Variants in ADAMTS12 observed in about 807,000 individuals in gnomAD.
ADAMTS12 encodes A disintegrin and metalloproteinase with thrombospondin motifs 12.
A neutral mutation model predicts 167.8 loss-of-function variants in ADAMTS12; 118 were observed. That is an observed-to-expected ratio of 0.70 (90% CI 0.61 to 0.82). The LOEUF is 0.82. Among genes scored for constraint, ADAMTS12 ranks in the 40% least tolerant of loss-of-function variants. ADAMTS12 has a pLI of 0.00. For synonymous variants in ADAMTS12, 704 were observed against 716.9 expected, an observed-to-expected ratio of 0.98 and a Z score of 0.29; for missense variants, 1,916 against 1,998.8, an observed-to-expected ratio of 0.96 and a Z score of 0.79.
chr5:33,705,888 CA>C (rs1443931089), intron 3 of ADAMTS12, among the ~76,000 whole-genome samples: 2 of 152,002 alleles, frequency 1.3e-5, no homozygotes, highest in South Asian at 2.1e-4. Context: ...TAAATAGCTA[CA>C]AAAAATATAA....
chr5:33,597,398 G>A (rs1737947883), intron 16 of ADAMTS12, among the ~76,000 whole-genome samples: 1 of 152,226 alleles, frequency 6.6e-6, no homozygotes, highest in Admixed American at 6.5e-5. Flanking sequence ...TCTAGACCTT[G>A]TGTGGGCTCA....
intron 16 of ADAMTS12, among the ~76,000 whole-genome samples, chr5:33,607,208 TG>T (rs1449593013): frequency 8.8e-5 from 13 of 148,514 alleles, no homozygotes; most frequent in African/African-American, 3.2e-4. Context: ...CAGCACTCTG[TG>T]ACAGGCCCAA....
chr5:33,659,654 T>C (rs891488904), intron 6 of ADAMTS12, among the ~76,000 whole-genome samples: 16 of 152,146 alleles, frequency 1.1e-4, no homozygotes, highest in African/African-American at 3.9e-4. Flanking sequence ...CAGCTTAAGC[T>C]CTACTTCCAC....
chr5:33,784,517 T>C (rs556744775), intron 2 of ADAMTS12, among the ~76,000 whole-genome samples: 13 of 150,248 alleles, frequency 8.7e-5, no homozygotes, highest in African/African-American at 3.3e-4. Flanking sequence ...AACAGGTCAG[T>C]ATAAAAAAAA....
intron 14 of ADAMTS12, among the ~76,000 whole-genome samples, chr5:33,616,476 T>C (rs1739021666): frequency 6.6e-6 from 1 of 152,218 alleles, no homozygotes; most frequent in African/African-American, 2.4e-5. Context: ...GAACATTGCA[T>C]TGGATACATA....
At chr5:33,623,985 C>T (rs1447521796) in intron 14 of ADAMTS12, among the ~76,000 whole-genome samples, 3 of 152,214 alleles carry the variant, frequency 2.0e-5, no homozygotes, top group African/African-American at 7.2e-5. Context: ...CTGTGCACAA[C>T]CACAGGGCCA....
At chr5:33,541,741 T>C (rs1038084910) in intron 22 of ADAMTS12, among the ~76,000 whole-genome samples, 7 of 152,128 alleles carry the variant, frequency 4.6e-5, no homozygotes, top group Admixed American at 4.6e-4. Context: ...AAACTAAGCT[T>C]CATAAGTGAA....
At position 33,849,504 on chromosome 5, in the gene ADAMTS12, C is replaced by T. The variant is rs535376298; in HGVS notation, c.489+31615G>A. Among the ~76,000 whole-genome samples, 28 of 136,808 alleles carry T rather than the reference C, an allele frequency of 2.0e-4. 2 individuals carry two copies. The highest frequency in any genetic ancestry group is 4.6e-4 in the South Asian group (2 of 4,362). 89.8% of individuals were successfully genotyped at this position (136,808 alleles called of 152,430 possible). A position where few individuals can be genotyped will look rare whatever the true frequency, so the allele number is the denominator to read the frequency against. On this transcript the variant is annotated intron_variant, in intron 2 of 23. Coordinates refer to ENST00000504830, the MANE Select transcript of ADAMTS12 (RefSeq NM_030955.4). The stretch of plus-strand genomic sequence containing the variant: ...CACAGCAATATATATATATGTATTG[C>T]ATAGCAATATATATATATGTATTGC...
intron 18 of ADAMTS12, among the ~76,000 whole-genome samples, chr5:33,587,042 C>CT (rs879613036): frequency 5.3e-4 from 75 of 141,550 alleles, no homozygotes; most frequent in Non-Finnish European, 6.2e-4. Flanking sequence ...TTTTCTGTTT[C>CT]TTTTTTTTTT....
Position 33,544,999 on chromosome 5 carries a change from A to C in ADAMTS12, c.4446+1060T>G, listed in dbSNP as rs182746996. Among the ~76,000 whole-genome samples the C allele has an allele frequency of 3.0e-3, 451 of 152,360 alleles. 5 individuals carry two copies. The highest frequency in any genetic ancestry group is 0.01 in the African/African-American group (431 of 41,584). On this transcript the variant is annotated intron_variant, in intron 22 of 23. Coordinates refer to ENST00000504830, the MANE Select transcript of ADAMTS12 (RefSeq NM_030955.4). ...CAAAAGCAATGGCAACAAAAGCCAA[A>C]ATTGACAAATGGGATCTAATTAAAC...
intron 21 of ADAMTS12, among the ~76,000 whole-genome samples, chr5:33,547,025 C>T (rs1745017958): frequency 6.6e-6 from 1 of 152,144 alleles, no homozygotes; most frequent in African/African-American, 2.4e-5. Flanking sequence ...CTTTTCTGCT[C>T]AATAAAAGAA....
At chr5:33,724,705 CCG>C (rs1743917570) in intron 3 of ADAMTS12, among the ~76,000 whole-genome samples, 3 of 152,106 alleles carry the variant, frequency 2.0e-5, no homozygotes, top group Non-Finnish European at 4.4e-5. Flanking sequence ...GCGCCCGCCA[CCG>C]TGCCCGGCTA....
Position 33,534,964 on chromosome 5 carries a change from T to C in ADAMTS12, c.4475A>G (p.Gln1492Arg), listed in dbSNP as rs766172210. ...GGGCACACATTGGACAGTCCTCTTC[T>C]GAAAGCCACCTCCACAGGAAGTGGA... ...LCSTSCGGGF[Q>R]KRTVQCVPSE... The change falls in exon 23 of 24, where the codon CAG becomes CGG. Residue 1492 changes from glutamine (Q) to arginine (R), a missense_variant. Physicochemically the swap from Gln to Arg is conservative, Grantham distance 43. Coordinates refer to ENST00000504830, the MANE Select transcript of ADAMTS12 (RefSeq NM_030955.4). 2 of 1,609,260 alleles carry C rather than the reference T, an allele frequency of 1.2e-6. No individual in the cohort carries two copies. The highest frequency in any genetic ancestry group is 2.7e-5 in the African/African-American group (2 of 74,800).
chr5:33,759,417 G>T, intron 2 of ADAMTS12, among the ~76,000 whole-genome samples: 1 of 152,322 alleles, frequency 6.6e-6, no homozygotes, highest in Non-Finnish European at 1.5e-5. Context: ...AGCAGTTTTT[G>T]CTTTGCACAA....
In ADAMTS12 at chr5:33,849,339, T is replaced by C. The variant is rs867656533; in HGVS notation, c.489+31780A>G. Among the ~76,000 whole-genome samples the C allele has an allele frequency of 8.7e-4, 122 of 140,702 alleles. 8 individuals are homozygous for C. Among genetic ancestry groups the C allele is most frequent in the African/African-American group, 3.2e-3 (117 of 36,026 alleles). 92.3% of individuals were successfully genotyped at this position (140,702 alleles called of 152,430 possible). Reference sequence around the variant, plus strand: ...CATAGCTATATATATATGTATTGAATAGCAATATATATATGTATTGAATAG... The same window carrying C: ...CATAGCTATATATATATGTATTGAACAGCAATATATATATGTATTGAATAG... On this transcript the variant is annotated intron_variant, in intron 2 of 23. Coordinates refer to ENST00000504830, the MANE Select transcript of ADAMTS12 (RefSeq NM_030955.4).
chr5:33,705,821 C>T (rs768997126), intron 3 of ADAMTS12, among the ~76,000 whole-genome samples: 13 of 151,110 alleles, frequency 8.6e-5, no homozygotes, highest in Admixed American at 2.0e-4. Flanking sequence ...AAAATAATAA[C>T]AATAATAATA....
intron 1 of ADAMTS12, 22 bp downstream of exon 1, chr5:33,891,708 G>C (rs1245656681): frequency 1.2e-6 from 2 of 1,613,522 alleles, no homozygotes; most frequent in Non-Finnish European, 1.7e-6. Context: ...GTTTTAAAAA[G>C]AAATAAAGAA....
In ADAMTS12 at chr5:33,577,098, A is replaced by G. The variant is rs370210174; in HGVS notation, c.2928T>C (p.Asp976=). ...GTTTCCTTGTCACATCGCAAGGTTC[A>G]TCATGGTTCTTGGCACATGTGACAC... is the stretch of plus-strand genomic sequence containing the variant. The part of the protein sequence containing the change: ...IRSVTCAKNH[D]EPCDVTRKPN... Residue 976 remains aspartate (D), a synonymous_variant, in exon 19 of 24, where the codon GAT becomes GAC. Coordinates refer to ENST00000504830, the MANE Select transcript of ADAMTS12 (RefSeq NM_030955.4). 33 of 1,614,092 alleles carry G rather than the reference A, an allele frequency of 2.0e-5. No individual in the cohort carries two copies. The East Asian group carries it at 2.2e-4, about 11-fold the overall frequency.
At chr5:33,569,146 A>G (rs1478035341) in intron 19 of ADAMTS12, among the ~76,000 whole-genome samples, 1 of 152,252 alleles carries the variant, frequency 6.6e-6, no homozygotes, top group Non-Finnish European at 1.5e-5. Flanking sequence ...CTGCCTCTGT[A>G]GGCTCCACTT....
Sources: allele counts gnomAD v4.1 joint callset (sites outside exome capture counted in the v4.1 genomes callset), GRCh38; gene constraint gnomAD v4.1.1; transcripts MANE v1.5; gene names NCBI Gene and HGNC (gene_info 2026-07-23, HGNC 2026-07-21).